LSAMP: variants seen among roughly 807,000 people sequenced by gnomAD.
LSAMP encodes limbic system associated membrane protein.
In LSAMP, 7 loss-of-function variants were observed where a neutral mutation model predicts 38.6. That is an observed-to-expected ratio of 0.18 (90% confidence interval 0.10 to 0.34). The LOEUF (loss-of-function observed/expected upper bound fraction) is 0.34, where lower values mean the gene tolerates loss of function less well. Ranked by LOEUF, LSAMP falls within the 10% of genes least tolerant of loss-of-function variation. LSAMP has a pLI of 1.00. For missense variants in LSAMP, 313 were observed against 420.0 expected (o/e 0.75, Z 2.23); for synonymous variants, 154 against 166.8 (o/e 0.92, Z 0.59).
chr3:116,199,077 T>A (rs559568000), intron 1 of LSAMP, among the ~76,000 whole-genome samples: 1 of 151,830 alleles, frequency 6.6e-6, no homozygotes, highest in East Asian at 1.9e-4. Context: ...GAGCAAGACC[T>A]TGTCTCAAAA....
At chr3:116,264,020 A>T (rs1325988505) in intron 1 of LSAMP, among the ~76,000 whole-genome samples, 1 of 152,188 alleles carries the variant, frequency 6.6e-6, no homozygotes, top group Non-Finnish European at 1.5e-5. Context: ...CTGCTTCCAA[A>T]CAGGATGGCA....
intron 2 of LSAMP, among the ~76,000 whole-genome samples, chr3:116,074,426 T>G (rs1276777956): frequency 1.3e-5 from 2 of 152,214 alleles, no homozygotes. Flanking sequence ...TTTCCATAAT[T>G]TTTTTAAAAA....
chr3:116,155,152 C>CTATT (rs1380782753), intron 1 of LSAMP, among the ~76,000 whole-genome samples: 1 of 151,958 alleles, frequency 6.6e-6, no homozygotes. Flanking sequence ...ATTTCTGAGA[C>CTATT]TATTTGATTA....
chr3:116,221,084 T>C (rs1273526690), intron 1 of LSAMP, among the ~76,000 whole-genome samples: 3 of 128,682 alleles, frequency 2.3e-5, no homozygotes, highest in South Asian at 5.1e-4. Context: ...AGCCGGGAGG[T>C]GCAGCTTGCA....
At chr3:116,088,888 G>A (rs1405200014) in intron 1 of LSAMP, among the ~76,000 whole-genome samples, 1 of 152,046 alleles carries the variant, frequency 6.6e-6, no homozygotes, top group Non-Finnish European at 1.5e-5. Flanking sequence ...GATAAAACAG[G>A]CATTTGATAA....
intron 3 of LSAMP, among the ~76,000 whole-genome samples, chr3:115,905,747 C>A (rs894580569): frequency 3.3e-5 from 5 of 152,104 alleles, no homozygotes; most frequent in Non-Finnish European, 5.9e-5. Flanking sequence ...GATGCTCATT[C>A]CCCTCCCCTT....
At chr3:116,302,798 G>T (rs375923473) in intron 1 of LSAMP, among the ~76,000 whole-genome samples, 3 of 152,152 alleles carry the variant, frequency 2.0e-5, no homozygotes, top group East Asian at 1.9e-4. Flanking sequence ...GATGATGGTT[G>T]GATGGACAGC....
chr3:116,293,318 A>G (rs993491911), intron 1 of LSAMP, among the ~76,000 whole-genome samples: 1 of 152,242 alleles, frequency 6.6e-6, no homozygotes, highest in African/African-American at 2.4e-5. Context: ...TGTCCTGAAG[A>G]TTGCCCTGAA....
intron 1 of LSAMP, among the ~76,000 whole-genome samples, chr3:116,253,109 C>T (rs938835704): frequency 1.3e-5 from 2 of 152,094 alleles, no homozygotes; most frequent in African/African-American, 4.8e-5. Flanking sequence ...CCCTTTCCCC[C>T]CTTTCTTCAT....
intron 1 of LSAMP, among the ~76,000 whole-genome samples, chr3:116,097,606 G>C (rs1175749057): frequency 6.6e-6 from 1 of 152,202 alleles, no homozygotes; most frequent in Non-Finnish European, 1.5e-5. Context: ...GAGTAAATAA[G>C]TAAGTAATGA....
intron 1 of LSAMP, among the ~76,000 whole-genome samples, chr3:116,340,116 C>T (rs1397522081): frequency 6.6e-6 from 1 of 152,010 alleles, no homozygotes; most frequent in African/African-American, 2.4e-5. Context: ...ACTCAATTAT[C>T]CCTATCATTC....
intron 2 of LSAMP, among the ~76,000 whole-genome samples, chr3:116,020,614 A>T (rs1417091650): frequency 6.6e-6 from 1 of 152,134 alleles, no homozygotes; most frequent in Non-Finnish European, 1.5e-5. Context: ...GACGTGAGAA[A>T]TGAGTCCTCA....
At chr3:116,187,442 A>G (rs1310080783) in intron 1 of LSAMP, among the ~76,000 whole-genome samples, 3 of 152,202 alleles carry the variant, frequency 2.0e-5, no homozygotes, top group Non-Finnish European at 4.4e-5. Context: ...AAGAAAAAAA[A>G]TGCAGCCTTT....
intron 3 of LSAMP, among the ~76,000 whole-genome samples, chr3:115,888,568 A>G (rs551752668): frequency 1.3e-5 from 2 of 152,044 alleles, no homozygotes; most frequent in South Asian, 4.1e-4. Context: ...TTCAAAAAGA[A>G]GTTAGGGATA....
chr3:115,950,188 C>T (rs1277737130), intron 3 of LSAMP, among the ~76,000 whole-genome samples: 3 of 152,082 alleles, frequency 2.0e-5, no homozygotes, highest in African/African-American at 7.2e-5. Context: ...TAAGGATGCC[C>T]ACTTTCACCA....
At position 116,208,352 on chromosome 3, in the gene LSAMP, T is replaced by A. The variant is rs202023030; in HGVS notation, c.156-121796A>T. Among the ~76,000 whole-genome samples, 20 of 151,908 alleles carry A rather than the reference T, an allele frequency of 1.3e-4. No individual in the cohort carries two copies. In the East Asian group the frequency reaches 3.7e-3, roughly 28 times the overall value. On this transcript the variant is annotated intron_variant, in intron 1 of 6. Transcript: ENST00000490035. ...TTCTTTGCCTTTGGTTTGAATGTCC[T>A]CCCGTAGCTCAGAGTAATTTGATTG...
At chr3:116,041,811 CA>C (rs763365903) in intron 2 of LSAMP, among the ~76,000 whole-genome samples, 31 of 89,408 alleles carry the variant, frequency 3.5e-4, no homozygotes, top group African/African-American at 4.9e-4. Flanking sequence ...AAAAACAAAA[CA>C]AAACAAAAAA....
intron 1 of LSAMP, among the ~76,000 whole-genome samples, chr3:116,139,650 AG>A (rs1709327868): frequency 6.6e-6 from 1 of 151,910 alleles, no homozygotes; most frequent in African/African-American, 2.4e-5. Context: ...TCGTCAACCT[AG>A]GGGCCTTTAT....
rs374040947 is a variant in LSAMP at position 116,272,973 on chromosome 3, A to G, written c.155+171904T>C. ...TATTTCTGGGGTTTATGACATGCTA[A>G]TATGTTTCCTTGGATTTCCTGAGTC... On this transcript the variant is annotated intron_variant, in intron 1 of 6. Coordinates refer to ENST00000490035, the MANE Select transcript of LSAMP (RefSeq NM_002338.5). Among the ~76,000 whole-genome samples, 16 of 152,252 alleles carry G rather than the reference A, an allele frequency of 1.1e-4. 1 individual carries two copies. The East Asian group carries it at 3.1e-3, about 29-fold the overall frequency.
Sources: gnomAD v4.1 joint callset for allele counts (sites outside exome capture counted in the v4.1 genomes callset) on GRCh38, gnomAD v4.1.1 for gene constraint, MANE v1.5 for transcripts, NCBI Gene and HGNC (gene_info 2026-07-23, HGNC 2026-07-21) for gene names.